The following CHST15 variants were observed in gnomAD, a reference collection of about 807,000 sequenced individuals.
CHST15 encodes the protein B cell RAG associated protein (GALNAC4S-6ST).
CHST15 carries 30 observed loss-of-function variants against 53.6 expected under a neutral mutation model. That is an observed-to-expected ratio of 0.56 (90% CI 0.42 to 0.76). The LOEUF (loss-of-function observed/expected upper bound fraction) is 0.76. Among genes scored for constraint, CHST15 ranks in the 30% least tolerant of loss-of-function variants. CHST15 has a pLI of 0.00. For synonymous variants in CHST15, 296 were observed against 289.8 expected (o/e 1.02, Z -0.22); for missense variants, 627 against 740.5 (o/e 0.85, Z 1.78).
At chr10:124,034,319 C>A (rs1947337667) in intron 5 of CHST15, among the ~76,000 whole-genome samples, 1 of 152,134 alleles carries the variant, frequency 6.6e-6, no homozygotes, top group African/African-American at 2.4e-5. Context: ...GGGGACCATG[C>A]TGTGAACTGT....
chr10:124,088,359 G>A (rs1949501712), intron 1 of CHST15, among the ~76,000 whole-genome samples: 1 of 152,214 alleles, frequency 6.6e-6, no homozygotes, highest in Non-Finnish European at 1.5e-5. Flanking sequence ...GCTGAGCGCT[G>A]GCTCTCTGCC....
At chr10:124,071,454 C>G (rs544934104) in intron 1 of CHST15, among the ~76,000 whole-genome samples, 16 of 152,340 alleles carry the variant, frequency 1.1e-4, no homozygotes, top group African/African-American at 3.6e-4. Context: ...CAAATTCCAG[C>G]AAGAAAGTGC....
At chr10:124,058,680 C>G (rs948859747) in intron 1 of CHST15, among the ~76,000 whole-genome samples, 1 of 152,196 alleles carries the variant, frequency 6.6e-6, no homozygotes, top group East Asian at 1.9e-4. Context: ...CTACAAGATT[C>G]ATAAAAGGCC....
chr10:124,088,712 A>C (rs1949514630), intron 1 of CHST15, among the ~76,000 whole-genome samples: 1 of 152,194 alleles, frequency 6.6e-6, no homozygotes, highest in African/African-American at 2.4e-5. Context: ...CCTGTCTAGC[A>C]GAGGGCCAGC....
At chr10:124,049,573 C>T (rs1052845192) in intron 1 of CHST15, among the ~76,000 whole-genome samples, 1 of 152,218 alleles carries the variant, frequency 6.6e-6, no homozygotes, top group Non-Finnish European at 1.5e-5. Flanking sequence ...AACCCTTAAA[C>T]CACAGGGCTC....
At chr10:124,045,112 C>CAAAAA (rs758243657) in intron 2 of CHST15, among the ~76,000 whole-genome samples, 193 bp from the exon 3 acceptor site, 431 of 33,126 alleles carry the variant, frequency 0.013, 11 homozygotes, top group Middle Eastern at 0.053. Flanking sequence ...CGCCGCCCCA[C>CAAAAA]AAAAAAAAAA....
In CHST15 at chr10:124,021,245, G is replaced by GGC. The variant is rs764522813; in HGVS notation, c.1347+10_1347+11insGC. On this transcript the variant is annotated intron_variant, in intron 6 of 7. Transcript: ENST00000435907. ...GCCAGCTCGGGGGGTACGGGGGGGGGGGGTACACACAGGCATGGCGTTGTT... is the reference window on the plus strand; with the variant it reads ...GCCAGCTCGGGGGGTACGGGGGGGGGGCGGGTACACACAGGCATGGCGTTGTT... 1.0e-5 allele frequency: 16 copies of GGC among 1,568,868 alleles called. No homozygotes were observed. The highest frequency in any genetic ancestry group is 6.8e-5 in the South Asian group (6 of 87,994).
At chr10:124,031,340 T>G (rs1035747581) in intron 5 of CHST15, among the ~76,000 whole-genome samples, 5 of 152,190 alleles carry the variant, frequency 3.3e-5, no homozygotes, top group Non-Finnish European at 5.9e-5. Context: ...GGGATATATA[T>G]GTTCTGAGAA....
At chr10:124,090,313 G>C (rs996297776) in intron 1 of CHST15, among the ~76,000 whole-genome samples, 1 of 152,192 alleles carries the variant, frequency 6.6e-6, no homozygotes, top group African/African-American at 2.4e-5. Flanking sequence ...GCTGAGTCTA[G>C]TCTGTCCCCT....
At chr10:124,078,389 G>T (rs142610716) in intron 1 of CHST15, among the ~76,000 whole-genome samples, 78 of 152,342 alleles carry the variant, frequency 5.1e-4, no homozygotes, top group African/African-American at 1.7e-3. Context: ...CTCAAAGGTT[G>T]CTGAGTGTAT....
chr10:124,060,407 T>C (rs1423681286), intron 1 of CHST15, among the ~76,000 whole-genome samples: 4 of 141,502 alleles, frequency 2.8e-5, no homozygotes, highest in Admixed American at 2.1e-4. Flanking sequence ...CAGGGGTGTG[T>C]GGAGGTGTGC....
intron 4 of CHST15, among the ~76,000 whole-genome samples, chr10:124,039,993 A>T (rs1276622501): frequency 1.3e-5 from 2 of 152,206 alleles, no homozygotes; most frequent in Admixed American, 1.3e-4. Flanking sequence ...ATCCAGGTGA[A>T]CAGCTCTGTT....
At chr10:124,026,585 T>C (rs1359151836) in intron 5 of CHST15, among the ~76,000 whole-genome samples, 13 of 152,132 alleles carry the variant, frequency 8.5e-5, no homozygotes, top group Admixed American at 7.9e-4. Flanking sequence ...AGGAGACCAA[T>C]GTAATGGAAA....
At chr10:124,060,347 A>G (rs1948521815) in intron 1 of CHST15, among the ~76,000 whole-genome samples, 1 of 147,982 alleles carries the variant, frequency 6.8e-6, no homozygotes, top group African/African-American at 2.5e-5. Context: ...TCCTCCAGGA[A>G]TGTGCAAAGG....
At position 124,018,868 on chromosome 10, in the gene CHST15, C is replaced by T. The variant is rs147156021; in HGVS notation, c.1347+2388G>A. On this transcript the variant is annotated intron_variant, in intron 6 of 7. Transcript: ENST00000435907. ...ATCAGGGCAATAGCAGAGGGTAGAA[C>T]AGTGGAGCTCTCTAGAAATACTGGG... 3.1e-3 allele frequency among the ~76,000 whole-genome samples: 465 copies of T among 152,222 alleles called. 3 individuals carry two copies. Among genetic ancestry groups the T allele is most frequent in the African/African-American group, 0.011 (452 of 41,540 alleles).
chr10:124,038,862 C>T (rs1947627783), intron 4 of CHST15, among the ~76,000 whole-genome samples, 191 bp from the exon 5 acceptor site: 1 of 151,894 alleles, frequency 6.6e-6, no homozygotes. Context: ...GCCACAGCCA[C>T]ACCCCACCTC....
At chr10:124,027,383 T>C (rs1478474730) in intron 5 of CHST15, among the ~76,000 whole-genome samples, 1 of 152,156 alleles carries the variant, frequency 6.6e-6, no homozygotes, top group African/African-American at 2.4e-5. Flanking sequence ...GGCCCTACTA[T>C]GTAAAATCTG....
rs1947897400 is a variant in CHST15, at chr10:124,044,759, A to T, written c.707T>A (p.Phe236Tyr). Residue 236 changes from phenylalanine to tyrosine, a missense_variant, in exon 3 of 8, where the codon TTC (phenylalanine) becomes TAC (tyrosine). This residue lies in a region of CHST15 where 161 missense variants were observed against 117.2 expected (regional missense o/e 1.37). Coordinates refer to ENST00000435907, the MANE Select transcript of CHST15 (RefSeq NM_001270764.2). ...GTGCGCGTGCGCCAGGTGGCCCCAG[A>T]AGGCCTTGCGCAGGGCGTCGAAGGT... ...RSTFDALRKAFWGHLAHAHGK... is the reference protein window; with the variant it reads ...RSTFDALRKAYWGHLAHAHGK... 3 of 1,612,914 alleles carry T rather than the reference A, an allele frequency of 1.9e-6. No individual in the cohort carries two copies. Among genetic ancestry groups the T allele is most frequent in the Non-Finnish European group, 2.5e-6 (3 of 1,179,524 alleles).
intron 5 of CHST15, among the ~76,000 whole-genome samples, chr10:124,035,011 T>A: frequency 8.6e-6 from 1 of 116,700 alleles, no homozygotes; most frequent in Non-Finnish European, 1.7e-5. Flanking sequence ...ATAGGGACCC[T>A]GGCTCTACCC....
Sources: gnomAD v4.1 joint callset for allele counts (sites outside exome capture counted in the v4.1 genomes callset) on GRCh38, gnomAD v4.1.1 for gene constraint, gnomAD v4.1.1 regional missense constraint, MANE v1.5 for transcripts, NCBI Gene and HGNC (gene_info 2026-07-23, HGNC 2026-07-21) for gene names.